The following NREP variants were observed in gnomAD, a reference collection of about 807,000 sequenced individuals.
NREP encodes neuronal regeneration-related protein.
In NREP, 5 loss-of-function variants were observed where a neutral mutation model predicts 8.6. That is an observed-to-expected ratio of 0.58 (90% CI 0.30 to 1.22). NREP has a LOEUF of 1.22. NREP is among the 50% of genes most tolerant of loss of function. The pLI, the probability that NREP is intolerant of heterozygous loss-of-function variation, is 0.07. For synonymous variants in NREP, 27 were observed against 28.0 expected, an observed-to-expected ratio of 0.96 and a Z score of 0.11; for missense variants, 86 against 82.5, an observed-to-expected ratio of 1.04 and a Z score of -0.17.
Position 111,731,040 on chromosome 5 carries a change from G to A in NREP, c.88C>T (p.Leu30Phe). ...DMEGRLPKGR[L>F]PVPKEVNRKK... ...CGGTTCACTTCCTTTGGGACAGGAA[G>A]TCTTCCCTGCAAAGCAGGCAGACCC... Residue 30 changes from leucine to phenylalanine, a missense_variant, in exon 4 of 4, where the codon CTT becomes TTT. Physicochemically the swap from Leu to Phe is conservative, Grantham distance 22 (BLOSUM62 0). Coordinates refer to ENST00000257435, the MANE Select transcript of NREP (RefSeq NM_004772.4). 1.2e-6 allele frequency: 2 copies of A among 1,613,778 alleles called. No homozygotes were observed. Among genetic ancestry groups the A allele is most frequent in the South Asian group, 2.2e-5 (2 of 91,068 alleles).
intron 2 of NREP, among the ~76,000 whole-genome samples, chr5:111,813,433 G>A (rs570044371): frequency 1.4e-4 from 21 of 152,166 alleles, no homozygotes; most frequent in Admixed American, 4.6e-4. Flanking sequence ...GCATATAAAG[G>A]TGATGACTTA....
intron 2 of NREP, among the ~76,000 whole-genome samples, chr5:111,886,757 G>A (rs1302659948): frequency 6.6e-6 from 1 of 151,090 alleles, no homozygotes; most frequent in South Asian, 2.1e-4. Flanking sequence ...TCACTCATAG[G>A]TGGGAACTGA....
At chr5:111,743,007 T>C (rs1424026272) in intron 2 of NREP, among the ~76,000 whole-genome samples, 4 of 152,150 alleles carry the variant, frequency 2.6e-5, no homozygotes, top group Non-Finnish European at 5.9e-5. Context: ...ATCTTGACTT[T>C]TAATGGGCAA....
intron 2 of NREP, among the ~76,000 whole-genome samples, chr5:111,953,757 T>G (rs1177200814): frequency 6.6e-6 from 1 of 151,982 alleles, no homozygotes; most frequent in Non-Finnish European, 1.5e-5. Flanking sequence ...GAAAGTGATA[T>G]TTAAGTTGCA....
At chr5:111,965,023 G>A (rs1023906616) in intron 2 of NREP, among the ~76,000 whole-genome samples, 2 of 151,844 alleles carry the variant, frequency 1.3e-5, no homozygotes, top group Non-Finnish European at 2.9e-5. Context: ...TGTCATCAGC[G>A]ATCCTGGTAA....
chr5:111,964,831 G>T (rs1756587475), intron 2 of NREP, among the ~76,000 whole-genome samples: 1 of 109,876 alleles, frequency 9.1e-6, no homozygotes, highest in African/African-American at 3.4e-5. Context: ...GGTGCACATA[G>T]TCTACTTAGA....
intron 2 of NREP, among the ~76,000 whole-genome samples, chr5:111,836,775 G>C (rs1752905730): frequency 6.6e-6 from 1 of 152,054 alleles, no homozygotes; most frequent in Admixed American, 6.6e-5. Flanking sequence ...CCTGGTAACT[G>C]AGGAGGAAAA....
intron 2 of NREP, among the ~76,000 whole-genome samples, chr5:111,923,731 G>A (rs372953870): frequency 1.3e-5 from 2 of 152,146 alleles, no homozygotes; most frequent in African/African-American, 4.8e-5. Context: ...TGTTGAGCTG[G>A]CTCCTAGGTC....
intron 2 of NREP, among the ~76,000 whole-genome samples, chr5:111,886,003 A>C (rs1754236051): frequency 6.6e-6 from 1 of 152,234 alleles, no homozygotes; most frequent in African/African-American, 2.4e-5. Context: ...GCTTCTGCAC[A>C]GCAAAAGAAA....
At chr5:111,758,284 GC>G, upstream of NREP, 1 of 983,510 alleles carries the variant, frequency 1.0e-6, no homozygotes, top group South Asian at 4.7e-5. Context: ...GGCGTGATCG[GC>G]CCAAGACATA....
intron 2 of NREP, among the ~76,000 whole-genome samples, chr5:111,820,700 T>G (rs183174022): frequency 6.6e-6 from 1 of 152,278 alleles, no homozygotes; most frequent in Admixed American, 6.5e-5. Flanking sequence ...TATAGAAGTG[T>G]GATCTGTCTG....
intron 2 of NREP, among the ~76,000 whole-genome samples, chr5:111,883,666 CACTCACTCAAA>C (rs1185393163): frequency 2.6e-5 from 4 of 152,092 alleles, no homozygotes; most frequent in African/African-American, 7.2e-5. Flanking sequence ...AGGATTAAGA[CACTCACTCAAA>C]ACCGCTCAAC....
At position 111,925,889 on chromosome 5, in the gene NREP, T is replaced by C. The variant is rs1020498068; in HGVS notation, c.135+49385A>G. ...CTCTCCCTGTTGGGAATGGTTGTTC[T>C]ATAATTTCCTCCACTACCTTATCTC... On this transcript the variant is annotated intron_variant, in intron 2 of 3. Transcript: ENST00000395634. Among the ~76,000 whole-genome samples the C allele has an allele frequency of 3.3e-5, 5 of 152,334 alleles. No homozygotes were observed. The South Asian group carries it at 6.2e-4, about 19-fold the overall frequency.
At chr5:111,880,730 C>CTT (rs140190021) in intron 2 of NREP, among the ~76,000 whole-genome samples, 207 of 92,146 alleles carry the variant, frequency 2.2e-3, no homozygotes, top group East Asian at 6.4e-3. Context: ...GAACATAAGC[C>CTT]TTTTTTTTTT....
At chr5:111,746,795 G>A (rs1349042340) in intron 2 of NREP, among the ~76,000 whole-genome samples, 1 of 152,120 alleles carries the variant, frequency 6.6e-6, no homozygotes, top group Non-Finnish European at 1.5e-5. Flanking sequence ...AAAGGGGTGG[G>A]CTAGTTCATA....
At chr5:111,755,001 A>C (rs1216104878) in intron 2 of NREP, among the ~76,000 whole-genome samples, 3 of 152,220 alleles carry the variant, frequency 2.0e-5, no homozygotes, top group African/African-American at 7.2e-5. Context: ...TTCACTAAAA[A>C]GTTTTATGAT....
chr5:111,932,194 G>A (rs1238150470), intron 2 of NREP, among the ~76,000 whole-genome samples: 1 of 151,610 alleles, frequency 6.6e-6, no homozygotes, highest in African/African-American at 2.4e-5. Flanking sequence ...CAAAGGCAGG[G>A]TAACTATAGA....
At chr5:111,741,461 A>T (rs1354101459) in intron 2 of NREP, among the ~76,000 whole-genome samples, 3 of 152,140 alleles carry the variant, frequency 2.0e-5, no homozygotes, top group Non-Finnish European at 4.4e-5. Context: ...TACTGGTCAT[A>T]TGAGAGGGCC....
At chr5:111,842,422 T>C (rs1049289134) in intron 2 of NREP, among the ~76,000 whole-genome samples, 19 of 152,142 alleles carry the variant, frequency 1.2e-4, no homozygotes, top group African/African-American at 4.1e-4. Context: ...TTTAGAGTTA[T>C]AACATTCTAT....
Sources: gnomAD v4.1 joint callset for allele counts (sites outside exome capture counted in the v4.1 genomes callset) on GRCh38, gnomAD v4.1.1 for gene constraint, MANE v1.5 for transcripts, NCBI Gene and HGNC (gene_info 2026-07-23, HGNC 2026-07-21) for gene names.